Variants in ITGBL1 observed in about 807,000 individuals in gnomAD.
ITGBL1 encodes the protein integrin beta-like protein 1.
Under a neutral mutation model 68.5 loss-of-function variants are expected in ITGBL1, and 51 were observed. The ratio of observed to expected loss-of-function variants is 0.74; its 90% CI spans 0.59 to 0.94. The LOEUF (loss-of-function observed/expected upper bound fraction) is 0.94, where lower values mean the gene tolerates loss of function less well. ITGBL1 is among the 40% of genes least tolerant of loss of function. ITGBL1 has a pLI of 0.00. For synonymous variants in ITGBL1, 209 were observed against 227.3 expected (o/e 0.92, Z 0.72); for missense variants, 649 against 647.4 (o/e 1.00, Z -0.03).
chr13:101,675,942 A>T (rs1267423873), intron 7 of ITGBL1, among the ~76,000 whole-genome samples: 2 of 152,140 alleles, frequency 1.3e-5, no homozygotes, highest in Non-Finnish European at 2.9e-5. Context: ...CTACCATCGA[A>T]TATCCTTATT....
At chr13:101,678,030 A>G (rs948600611) in intron 7 of ITGBL1, among the ~76,000 whole-genome samples, 6 of 152,226 alleles carry the variant, frequency 3.9e-5, no homozygotes, top group Admixed American at 1.3e-4. Context: ...AATTATATAT[A>G]GTTTTACTTA....
At chr13:101,615,913 C>T (rs961097012) in intron 7 of ITGBL1, among the ~76,000 whole-genome samples, 8 of 152,290 alleles carry the variant, frequency 5.3e-5, no homozygotes, top group South Asian at 2.1e-4. Flanking sequence ...AGCAGGCTCT[C>T]GCTAGACACT....
intron 2 of ITGBL1, among the ~76,000 whole-genome samples, chr13:101,504,529 A>G (rs746783992): frequency 2.6e-5 from 4 of 152,210 alleles, no homozygotes; most frequent in Non-Finnish European, 4.4e-5. Flanking sequence ...TTATTCATCA[A>G]GAACATCAAA....
intron 3 of ITGBL1, among the ~76,000 whole-genome samples, chr13:101,569,287 A>G (rs989381192): frequency 1.3e-5 from 2 of 152,152 alleles, no homozygotes; most frequent in Non-Finnish European, 2.9e-5. Flanking sequence ...TTTAGAGAAC[A>G]TTATAATCAA....
At chr13:101,595,060 T>C (rs967012265) in intron 6 of ITGBL1, among the ~76,000 whole-genome samples, 5 of 151,934 alleles carry the variant, frequency 3.3e-5, no homozygotes, top group Admixed American at 1.3e-4. Flanking sequence ...GGCAATAGAG[T>C]GAGACTGTGT....
chr13:101,607,211 G>A (rs945366184), intron 7 of ITGBL1, among the ~76,000 whole-genome samples: 4 of 152,056 alleles, frequency 2.6e-5, no homozygotes, highest in South Asian at 4.1e-4. Flanking sequence ...GTAGGAAGAC[G>A]TATAATTATT....
chr13:101,547,465 T>C (rs2049846026), intron 2 of ITGBL1, among the ~76,000 whole-genome samples: 1 of 151,946 alleles, frequency 6.6e-6, no homozygotes, highest in Non-Finnish European at 1.5e-5. Flanking sequence ...ACAGCTTTTT[T>C]CCTTAACACC....
chr13:101,684,792 T>A (rs1430594778), intron 7 of ITGBL1, among the ~76,000 whole-genome samples: 1 of 151,966 alleles, frequency 6.6e-6, no homozygotes, highest in Non-Finnish European at 1.5e-5. Context: ...TAGAAGGTTT[T>A]AAAATGTTTA....
At chr13:101,663,165 A>G (rs1347748697) in intron 7 of ITGBL1, among the ~76,000 whole-genome samples, 1 of 152,202 alleles carries the variant, frequency 6.6e-6, no homozygotes, top group African/African-American at 2.4e-5. Context: ...TGATTTTTAT[A>G]TGTACATTAC....
intron 2 of ITGBL1, among the ~76,000 whole-genome samples, chr13:101,523,986 T>C (rs554667140): frequency 6.6e-5 from 10 of 152,252 alleles, no homozygotes; most frequent in Non-Finnish European, 1.5e-4. Flanking sequence ...GCTGAGAGAA[T>C]TGTGGACTCT....
Position 101,554,378 on chromosome 13 carries a change from G to T in ITGBL1, c.317-13321G>T, listed in dbSNP as rs549450560. Among the ~76,000 whole-genome samples, 8 of 152,272 alleles carry T rather than the reference G, an allele frequency of 5.3e-5. No homozygotes were observed. In the South Asian group the frequency reaches 1.0e-3, roughly 20 times the overall value. ...GAGTAAACTGTTCACAGTTCACAGGGCTTTGCCACTGTCACCTGGTCCCTG... is the reference window on the plus strand; with the variant it reads ...GAGTAAACTGTTCACAGTTCACAGGTCTTTGCCACTGTCACCTGGTCCCTG... On this transcript the variant is annotated intron_variant, in intron 2 of 10. Coordinates refer to ENST00000376180, the MANE Select transcript of ITGBL1 (RefSeq NM_004791.3).
At chr13:101,458,655 G>T (rs2048277334) in intron 2 of ITGBL1, among the ~76,000 whole-genome samples, 1 of 152,210 alleles carries the variant, frequency 6.6e-6, no homozygotes, top group African/African-American at 2.4e-5. Context: ...ATATAAAATG[G>T]TGTAGTATTT....
chr13:101,536,471 T>C (rs916953566), intron 2 of ITGBL1, among the ~76,000 whole-genome samples: 1 of 151,928 alleles, frequency 6.6e-6, no homozygotes, highest in Non-Finnish European at 1.5e-5. Flanking sequence ...AGAGGCAAAA[T>C]TGAGAGCAAT....
Position 101,452,795 on chromosome 13 carries a change from C to A in ITGBL1, c.-39C>A. 1 of 1,561,548 alleles carries A rather than the reference C, an allele frequency of 6.4e-7. No individual in the cohort carries two copies. The highest frequency in any genetic ancestry group is 8.8e-7 in the Non-Finnish European group (1 of 1,132,910). On this transcript the variant is annotated 5_prime_UTR_variant, in exon 1 of 11. Transcript: ENST00000376180. ...GCCTCCCTCGGTGAACCCCACCTTG[C>A]AGAAGTGCAGCTCGCCCGGAGCAGC...
At chr13:101,482,591 T>C (rs1158716835) in intron 2 of ITGBL1, among the ~76,000 whole-genome samples, 1 of 152,148 alleles carries the variant, frequency 6.6e-6, no homozygotes, top group African/African-American at 2.4e-5. Context: ...AAATATACCA[T>C]GAAATTTATG....
At chr13:101,541,536 C>G (rs1414911346) in intron 2 of ITGBL1, among the ~76,000 whole-genome samples, 4 of 152,096 alleles carry the variant, frequency 2.6e-5, no homozygotes, top group African/African-American at 9.7e-5. Flanking sequence ...GTGTCTCTGC[C>G]AGGCTTTGGT....
intron 7 of ITGBL1, among the ~76,000 whole-genome samples, chr13:101,646,918 A>G (rs147737075): frequency 0.011 from 1,647 of 152,260 alleles, 13 homozygotes; most frequent in Non-Finnish European, 0.016. Flanking sequence ...TAAATCCTGG[A>G]GTTTTATAAC....
At chr13:101,652,796 A>G (rs759375579) in intron 7 of ITGBL1, among the ~76,000 whole-genome samples, 2 of 152,116 alleles carry the variant, frequency 1.3e-5, no homozygotes, top group Admixed American at 6.6e-5. Flanking sequence ...AGTGATCATC[A>G]CAGAATAAGA....
chr13:101,634,941 G>GGTGTGT (rs59309809), intron 7 of ITGBL1, among the ~76,000 whole-genome samples: 8,725 of 145,828 alleles, frequency 0.06, 445 homozygotes, highest in African/African-American at 0.14. Context: ...ATAAGCAAAA[G>GGTGTGT]GTGTGTGTGT....
Sources: allele counts gnomAD v4.1 joint callset (sites outside exome capture counted in the v4.1 genomes callset), GRCh38; gene constraint gnomAD v4.1.1; transcripts MANE v1.5; gene names NCBI Gene and HGNC (gene_info 2026-07-23, HGNC 2026-07-21).